Variants in OR8B2 observed in about 807,000 individuals in gnomAD.
OR8B2 encodes the protein olfactory receptor 8B2.
For synonymous variants in OR8B2, 98 were observed against 138.2 expected (o/e 0.71, Z 2.04); for missense variants, 304 against 379.6 (o/e 0.80, Z 1.65).
At chr11:124,391,340 AG>A in the OR8B2 span, among the ~76,000 whole-genome samples, 1 of 152,048 alleles carries the variant, frequency 6.6e-6, no homozygotes, top group African/African-American at 2.4e-5. Context: ...GTTTTTTGAA[AG>A]GATCAATAAA....
At chr11:124,384,665 C>G (rs1196819974), upstream of OR8B2, among the ~76,000 whole-genome samples, 1 of 152,180 alleles carries the variant, frequency 6.6e-6, no homozygotes, top group Non-Finnish European at 1.5e-5. Context: ...GGCATTTGCT[C>G]AAGGCTCATA....
At chr11:124,386,687 T>C (rs1416343423), upstream of OR8B2, among the ~76,000 whole-genome samples, 1 of 151,944 alleles carries the variant, frequency 6.6e-6, no homozygotes, top group African/African-American at 2.4e-5. Context: ...TTCCAAGTCT[T>C]TGCTATTGTG....
chr11:124,387,669 G>A (rs1377008589), upstream of OR8B2, among the ~76,000 whole-genome samples: 7 of 148,568 alleles, frequency 4.7e-5, no homozygotes, highest in African/African-American at 1.2e-4. Context: ...TAGCCTTGTA[G>A]TATAGTTTGA....
chr11:124,392,371 C>T, the OR8B2 span, among the ~76,000 whole-genome samples: 1 of 123,470 alleles, frequency 8.1e-6, no homozygotes, highest in Non-Finnish European at 1.6e-5. Context: ...ACCCCATTGT[C>T]TCAGCCCAAA....
At chr11:124,383,474 A>G in intron 1 of OR8B2, 114 bp from the exon 2 acceptor site, 1 of 981,344 alleles carries the variant, frequency 1.0e-6, no homozygotes, top group Non-Finnish European at 1.5e-6. Flanking sequence ...GTTTCATGGG[A>G]TCTGAATGTA....
At chr11:124,396,645 T>A in the OR8B2 span, 2 of 1,611,620 alleles carry the variant, frequency 1.2e-6, no homozygotes, top group South Asian at 2.2e-5. Flanking sequence ...ACTGAAGGCT[T>A]TTGATCTTCC....
chr11:124,394,607 T>C, the OR8B2 span, among the ~76,000 whole-genome samples: 1 of 152,116 alleles, frequency 6.6e-6, no homozygotes, highest in Non-Finnish European at 1.5e-5. Context: ...ATTGGCCAGC[T>C]CTCTTTAAGT....
At chr11:124,389,670 T>C in the OR8B2 span, among the ~76,000 whole-genome samples, 1 of 152,296 alleles carries the variant, frequency 6.6e-6, no homozygotes, top group Non-Finnish European at 1.5e-5. Flanking sequence ...AGAGAAAAAC[T>C]ATAGTTACGT....
At chr11:124,397,119 G>A in the OR8B2 span, 1 of 1,613,508 alleles carries the variant, frequency 6.2e-7, no homozygotes. Context: ...CATTTTGGGA[G>A]TGAAAACAGA....
At chr11:124,397,019 T>C in the OR8B2 span, 2 of 1,613,866 alleles carry the variant, frequency 1.2e-6, no homozygotes, top group Non-Finnish European at 1.7e-6. Context: ...ACATGTAACA[T>C]TCAGAGATGA....
In OR8B2 at chr11:124,382,517, A is replaced by G. The variant is rs756897109; in HGVS notation, c.827T>C (p.Phe276Ser). The stretch of plus-strand genomic sequence containing the variant: ...GAGCATGGGCACCACATTAGTGTAG[A>G]AAACAGAAGAAACTTTTCCCTGCTC... ...SMEQGKVSSV[F>S]YTNVVPMLNP... The change falls in exon 2 of 2, where the codon TTC becomes TCC. Residue 276 changes from phenylalanine (F) to serine (S), a missense_variant. By Grantham distance (155) the Phe-to-Ser change is radical. Coordinates refer to ENST00000641451, the MANE Select transcript of OR8B2 (RefSeq NM_001005468.2). 5.0e-6 allele frequency: 8 copies of G among 1,613,870 alleles called. No homozygotes were observed. In the East Asian group the frequency reaches 1.6e-4, roughly 31 times the overall value.
At chr11:124,392,305 A>T in the OR8B2 span, among the ~76,000 whole-genome samples, 1 of 126,850 alleles carries the variant, frequency 7.9e-6, no homozygotes, top group Non-Finnish European at 1.6e-5. Flanking sequence ...TGCAATTAGG[A>T]AAAGAGGAAG....
rs1262953639 is a variant in OR8B2 at position 124,383,298 on chromosome 11, C to T, written c.46G>A (p.Gly16Arg). The change falls in exon 2 of 2, where the codon GGA becomes AGA. Residue 16 changes from glycine (G) to arginine (R), a missense_variant. Coordinates refer to ENST00000641451, the MANE Select transcript of OR8B2 (RefSeq NM_001005468.2). Reference sequence around the variant, plus strand: ...CGGAACTCTGGATGATCTGTTAATCCAGCAAGAATAAATTCAGTCACTAAG... The same window carrying T: ...CGGAACTCTGGATGATCTGTTAATCTAGCAAGAATAAATTCAGTCACTAAG... ...NSLVTEFILA[G>R]LTDHPEFRQP... 2 of 1,613,788 alleles carry T rather than the reference C, an allele frequency of 1.2e-6. No homozygotes were observed. The highest frequency in any genetic ancestry group is 8.5e-7 in the Non-Finnish European group (1 of 1,179,782).
chr11:124,387,216 CA>C (rs1860717234), upstream of OR8B2, among the ~76,000 whole-genome samples: 3 of 152,238 alleles, frequency 2.0e-5, no homozygotes. Flanking sequence ...GTTGCCTGTT[CA>C]CTCTGATGGT....
upstream of OR8B2, among the ~76,000 whole-genome samples, chr11:124,385,491 CGTGTGTGT>C (rs57427804): frequency 2.0e-3 from 298 of 147,788 alleles, 1 homozygote; most frequent in Middle Eastern, 3.4e-3. Flanking sequence ...ATTTAACATG[CGTGTGTGT>C]GTGTGTGTGT....
intron 1 of OR8B2, 109 bp from the exon 2 acceptor site, chr11:124,383,469 A>G: frequency 3.9e-6 from 4 of 1,023,278 alleles, no homozygotes; most frequent in Admixed American, 2.6e-5. Flanking sequence ...TCTTTGTTTC[A>G]TGGGATCTGA....
rs1182590377 is a variant in OR8B2, at chr11:124,382,468, C to T, written c.876G>A (p.Arg292=). The T allele has an allele frequency of 8.1e-6, 13 of 1,613,742 alleles. No individual in the cohort carries two copies. The highest frequency in any genetic ancestry group is 1.1e-5 in the Non-Finnish European group (13 of 1,179,922). Residue 292 remains arginine (R), a synonymous_variant, in exon 2 of 2, where the codon AGG becomes AGA. Coordinates refer to ENST00000641451, the MANE Select transcript of OR8B2 (RefSeq NM_001005468.2). ...PMLNPLIYSL[R]NKDVKVALRK... is the part of the protein sequence containing the mutation. ...TCAGTGCAACTTTGACATCCTTGTT[C>T]CTCAAACTGTAGATGAGGGGATTGA...
Position 124,383,272 on chromosome 11 carries a change from C to G in OR8B2, c.72G>C (p.Arg24=). 1 of 1,613,968 alleles carries G rather than the reference C, an allele frequency of 6.2e-7. No homozygotes were observed. Among genetic ancestry groups the G allele is most frequent in the Non-Finnish European group, 8.5e-7 (1 of 1,179,852 alleles). ...CTAGAAACAGGAAAAAGAGGGGTTGCCGGAACTCTGGATGATCTGTTAATC... is the reference window on the plus strand; with the variant it reads ...CTAGAAACAGGAAAAAGAGGGGTTGGCGGAACTCTGGATGATCTGTTAATC... ...LAGLTDHPEF[R]QPLFFLFLVI... is the part of the protein sequence containing the mutation. Residue 24 remains arginine (R), a synonymous_variant, in exon 2 of 2, where the codon CGG becomes CGC. Transcript: ENST00000641451.
At chr11:124,391,853 A>G in the OR8B2 span, among the ~76,000 whole-genome samples, 1 of 150,924 alleles carries the variant, frequency 6.6e-6, no homozygotes, top group Non-Finnish European at 1.5e-5. Context: ...CATTGATGGA[A>G]AAATCCTCAA....
Sources: gnomAD v4.1 joint callset for allele counts (sites outside exome capture counted in the v4.1 genomes callset) on GRCh38, gnomAD v4.1.1 for gene constraint, MANE v1.5 for transcripts, NCBI Gene and HGNC (gene_info 2026-07-23, HGNC 2026-07-21) for gene names.